The following PER3 variants were observed in gnomAD, a reference collection of about 807,000 sequenced individuals.
PER3 encodes period circadian regulator 3, also known as period circadian protein homolog 3.
In PER3, 107 loss-of-function variants were observed where a neutral mutation model predicts 127.2. The observed-to-expected ratio is 0.84, with a 90% CI of 0.72 to 0.99. The LOEUF is 0.99. Ranked by LOEUF, PER3 falls within the 50% of genes least tolerant of loss-of-function variation. PER3 has a pLI of 0.00. For synonymous variants in PER3, 618 were observed against 585.8 expected (o/e 1.05, Z -0.79); for missense variants, 1,560 against 1,525.8 (o/e 1.02, Z -0.37).
At chr1:7,815,991 C>CAAAAAAAAAAAAAAAAAAAAAAAAAA (rs34144861) in intron 13 of PER3, among the ~76,000 whole-genome samples, 4 of 67,660 alleles carry the variant, frequency 5.9e-5, no homozygotes, top group East Asian at 7.7e-4. Context: ...GACTCCGTCT[C>CAAAAAAAAAAAAAAAAAAAAAAAAAA]AAAAAAAAAA....
At chr1:7,835,213 G>T (rs1002399251) in intron 19 of PER3, among the ~76,000 whole-genome samples, 4 of 152,146 alleles carry the variant, frequency 2.6e-5, no homozygotes, top group Non-Finnish European at 5.9e-5. Flanking sequence ...GGTTGGTGAT[G>T]ATGCGTTTAT....
rs1018352845 is a variant in PER3 at position 7,798,819 on chromosome 1, A to G, written c.793+146A>G. The G allele has an allele frequency of 6.2e-5, 40 of 645,932 alleles. No homozygotes were observed. In the South Asian group the frequency reaches 7.7e-4, roughly 12 times the overall value. 40.0% of individuals were successfully genotyped at this position (645,932 alleles called of 1,614,324 possible). On this transcript the variant is annotated intron_variant, in intron 7 of 21. Coordinates refer to ENST00000377532, the MANE Select transcript of PER3 (RefSeq NM_001377275.1). ...CTTCAGGCATTTGAAGCTGGTTTTC[A>G]TTGATGTCTCTGTTTACTGACTTTT... is the stretch of plus-strand genomic sequence containing the variant.
At position 7,818,484 on chromosome 1, in the gene PER3, CT is replaced by C. The variant is rs2097261446; in HGVS notation, c.1523-799del. Among the ~76,000 whole-genome samples, 9 of 152,302 alleles carry C rather than the reference CT, an allele frequency of 5.9e-5. No individual in the cohort carries two copies. In the South Asian group the frequency reaches 1.9e-3, roughly 32 times the overall value. Reference sequence around the variant, plus strand: ...ACATGACATAATTAGTTACTCCTTCCTTAAGAAAGTTTTCATTCTTGGTCGC... The same window carrying C: ...ACATGACATAATTAGTTACTCCTTCCTAAGAAAGTTTTCATTCTTGGTCGC... On this transcript the variant is annotated intron_variant, in intron 13 of 21. Coordinates refer to ENST00000377532, the MANE Select transcript of PER3 (RefSeq NM_001377275.1).
intron 16 of PER3, among the ~76,000 whole-genome samples, chr1:7,825,198 G>T (rs893114955): frequency 6.6e-6 from 1 of 152,042 alleles, no homozygotes; most frequent in South Asian, 2.1e-4. Context: ...CACCACAGGG[G>T]CGAGCTGGAA....
At chr1:7,822,571 A>G (rs1436627927) in intron 16 of PER3, among the ~76,000 whole-genome samples, 3 of 152,192 alleles carry the variant, frequency 2.0e-5, no homozygotes, top group Non-Finnish European at 4.4e-5. Context: ...ATTTTTTAAA[A>G]GATGGAATAT....
intron 16 of PER3, among the ~76,000 whole-genome samples, chr1:7,821,431 G>T (rs533341032): frequency 1.2e-4 from 18 of 152,332 alleles, no homozygotes; most frequent in Non-Finnish European, 2.4e-4. Context: ...GGTGGAGAAA[G>T]ATCAGAGAGC....
chr1:7,791,934 A>G (rs1335945574), intron 5 of PER3, among the ~76,000 whole-genome samples: 2 of 152,204 alleles, frequency 1.3e-5, no homozygotes, highest in Non-Finnish European at 2.9e-5. Context: ...ACAAGTCTCT[A>G]GGAAGTTCCA....
intron 21 of PER3, among the ~76,000 whole-genome samples, chr1:7,839,671 G>GT (rs1263308395): frequency 2.0e-5 from 3 of 152,126 alleles, no homozygotes; most frequent in Admixed American, 6.5e-5. Context: ...TTAGTTGACA[G>GT]TTTTTTTTCT....
intron 15 of PER3, 24 bp downstream of exon 15, chr1:7,820,263 TAAATTC>T: frequency 6.2e-7 from 1 of 1,604,768 alleles, no homozygotes; most frequent in Non-Finnish European, 8.5e-7. Flanking sequence ...CCCTCAGAGT[TAAATTC>T]AAAGAACTGT....
chr1:7,829,214 A>T lies in PER3; in HGVS notation c.2887-620A>T, dbSNP rs75576111. ...CCGTATATACAGTATGTTTTTTCCT[A>T]AACATACTATACATATCTATGGTAA... is the stretch of plus-strand genomic sequence containing the variant. On this transcript the variant is annotated intron_variant, in intron 18 of 21. Coordinates refer to ENST00000377532, the MANE Select transcript of PER3 (RefSeq NM_001377275.1). Among the ~76,000 whole-genome samples, 744 of 152,260 alleles carry T rather than the reference A, an allele frequency of 4.9e-3. 21 individuals are homozygous for T. The East Asian group carries it at 0.087, about 18-fold the overall frequency.
At chr1:7,831,082 T>C (rs189889015) in intron 19 of PER3, among the ~76,000 whole-genome samples, 20 of 152,328 alleles carry the variant, frequency 1.3e-4, no homozygotes, top group South Asian at 8.3e-4. Flanking sequence ...CCTGATGATA[T>C]TGAGTGTTTT....
chr1:7,794,130 G>C, intron 6 of PER3, 122 bp downstream of exon 6: 1 of 815,218 alleles, frequency 1.2e-6, no homozygotes, highest in Non-Finnish European at 2.2e-6. Context: ...ATAAGACTTG[G>C]TTATTGCCAC....
intron 14 of PER3, among the ~76,000 whole-genome samples, 189 bp downstream of exon 14, chr1:7,819,609 CCTT>C (rs2097266609): frequency 6.6e-6 from 1 of 152,140 alleles, no homozygotes; most frequent in African/African-American, 2.4e-5. Context: ...AAGATGCATT[CCTT>C]CTTTGAAGGA....
chr1:7,843,932 A>G lies in PER3; in HGVS notation c.*1177A>G, dbSNP rs1000619202. 15 of 1,284,702 alleles carry G rather than the reference A, an allele frequency of 1.2e-5. No individual in the cohort carries two copies. Among genetic ancestry groups the G allele is most frequent in the Admixed American group, 2.5e-5 (1 of 40,458 alleles). The allele number at this position is 1,284,702 out of a possible 1,614,324, so 79.6% of individuals were successfully genotyped here. A position where few individuals can be genotyped will look rare whatever the true frequency, so the allele number is the denominator to read the frequency against. ...CTGATTCCTTCTTAAACTTGGAATGATAGATGAAATTCACACCCCTGCAGA... is the reference window on the plus strand; with the variant it reads ...CTGATTCCTTCTTAAACTTGGAATGGTAGATGAAATTCACACCCCTGCAGA... On this transcript the variant is annotated 3_prime_UTR_variant, in exon 22 of 22. Coordinates refer to ENST00000377532, the MANE Select transcript of PER3 (RefSeq NM_001377275.1).
intron 13 of PER3, among the ~76,000 whole-genome samples, chr1:7,810,918 A>G (rs1012248830): frequency 2.6e-5 from 4 of 152,238 alleles, no homozygotes; most frequent in Admixed American, 6.5e-5. Context: ...GGATTTTAGA[A>G]TGCATTTTAA....
intron 12 of PER3, 55 bp from the exon 13 acceptor site, chr1:7,810,383 T>G: frequency 2.3e-6 from 3 of 1,287,952 alleles, no homozygotes; most frequent in Non-Finnish European, 3.3e-6. Context: ...TTATGTATCT[T>G]TTAGTGGACA....
At position 7,804,311 on chromosome 1, in the gene PER3, CT is replaced by C. The variant is rs79813451; in HGVS notation, c.1136+478del. Reference sequence around the variant, plus strand: ...AGGACCTACAAGTGTTTCTTTCTTTCTTTTTTTTTTTTTTTAAAGATCTCTT... The same window carrying C: ...AGGACCTACAAGTGTTTCTTTCTTTCTTTTTTTTTTTTTTAAAGATCTCTT... On this transcript the variant is annotated intron_variant, in intron 10 of 21. Coordinates refer to ENST00000377532, the MANE Select transcript of PER3 (RefSeq NM_001377275.1). Among the ~76,000 whole-genome samples, 750 of 120,314 alleles carry C rather than the reference CT, an allele frequency of 6.2e-3. 2 individuals are homozygous for C. The highest frequency in any genetic ancestry group is 7.3e-3 in the African/African-American group (235 of 32,326). The allele number at this position is 120,314 out of a possible 152,430, so 78.9% of individuals were successfully genotyped here.
intron 11 of PER3, 130 bp downstream of exon 11, chr1:7,809,128 G>A: frequency 1.8e-6 from 1 of 569,274 alleles, no homozygotes; most frequent in Non-Finnish European, 3.1e-6. Flanking sequence ...AGAAATTTTT[G>A]TCTTTCTCTT....
chr1:7,828,239 A>G (rs962806189), intron 18 of PER3, among the ~76,000 whole-genome samples: 16 of 152,256 alleles, frequency 1.1e-4, no homozygotes, highest in African/African-American at 3.9e-4. Context: ...TTCTTCATGC[A>G]CAGTCACAGG....
Sources: gnomAD v4.1 joint callset for allele counts (sites outside exome capture counted in the v4.1 genomes callset) on GRCh38, gnomAD v4.1.1 for gene constraint, MANE v1.5 for transcripts, NCBI Gene and HGNC (gene_info 2026-07-23, HGNC 2026-07-21) for gene names.